The following PRMT8 variants were observed in gnomAD, a reference collection of about 807,000 sequenced individuals.
The protein encoded by PRMT8 is protein arginine methyltransferase 8, also known as protein arginine N-methyltransferase 8.
PRMT8 carries 7 observed loss-of-function variants against 47.1 expected under a neutral mutation model. That is an observed-to-expected ratio of 0.15 (90% CI 0.08 to 0.28). The LOEUF is 0.28. Ranked by LOEUF, PRMT8 falls within the 10% of genes least tolerant of loss-of-function variation. The pLI is 1.00. For synonymous variants in PRMT8, 188 were observed against 186.5 expected (o/e 1.01, Z -0.07); for missense variants, 237 against 505.4 (o/e 0.47, Z 5.09).
At chr12:3,384,486 C>G (rs1026635579) in intron 1 of PRMT8, among the ~76,000 whole-genome samples, 5 of 152,072 alleles carry the variant, frequency 3.3e-5, no homozygotes, top group Admixed American at 2.0e-4. Flanking sequence ...TTTCTCTGAA[C>G]AAGATATCTG....
chr12:3,493,750 G>A lies in PRMT8; in HGVS notation c.75+2050G>A, dbSNP rs1280432685. Among the ~76,000 whole-genome samples the A allele has an allele frequency of 6.6e-6, 1 of 152,222 alleles. No homozygotes were observed. Among genetic ancestry groups the A allele is most frequent in the Non-Finnish European group, 1.5e-5 (1 of 68,038 alleles). ...TGCCAGCTCTGCTGAAGGCATCAAT[G>A]AAAACAGCAGTAGGGGCGGCCGGGC... On this transcript the variant is annotated intron_variant, in intron 1 of 9. Coordinates refer to ENST00000382622, the MANE Select transcript of PRMT8 (RefSeq NM_019854.5). This position sits in a 1 kb window ranked among gnomAD's most constrained non-coding sequence, Gnocchi z 8.2.
intron 7 of PRMT8, among the ~76,000 whole-genome samples, chr12:3,582,587 G>A (rs1052116117): frequency 1.3e-5 from 2 of 152,164 alleles, no homozygotes; most frequent in Non-Finnish European, 2.9e-5. Context: ...AACACAGATT[G>A]CTGTTTTGGT....
chr12:3,567,617 TC>T (rs745466006), intron 4 of PRMT8, among the ~76,000 whole-genome samples: 4 of 152,216 alleles, frequency 2.6e-5, no homozygotes, highest in African/African-American at 4.8e-5. Context: ...AGCCTCGGTT[TC>T]CTTAGTTGTA....
At chr12:3,391,714 G>A (rs1267347238) in intron 1 of PRMT8, among the ~76,000 whole-genome samples, 1 of 152,112 alleles carries the variant, frequency 6.6e-6, no homozygotes, top group African/African-American at 2.4e-5. Flanking sequence ...AGTCTGTGAG[G>A]TTCTCAACAC....
intron 1 of PRMT8, among the ~76,000 whole-genome samples, chr12:3,522,128 GC>G (rs77305119): frequency 0.25 from 38,139 of 151,996 alleles, 5,903 homozygotes; most frequent in South Asian, 0.43. Context: ...GATTAAGACA[GC>G]CCCCACAAAA....
chr12:3,551,076 A>ACCCCCC (rs3837513), intron 3 of PRMT8: 1 of 137,114 alleles, frequency 7.3e-6, no homozygotes, highest in African/African-American at 2.7e-5. Context: ...AGCCCTGGGG[A>ACCCCCC]CCCCCCCCCG....
At position 3,569,607 on chromosome 12, in the gene PRMT8, T is replaced by C. The variant is rs200662903; in HGVS notation, c.712+43T>C. The C allele has an allele frequency of 3.7e-5, 57 of 1,544,998 alleles. 1 individual carries two copies. In the East Asian group the frequency reaches 6.5e-4, roughly 18 times the overall value. ...TCTCCGGTGGACTTCCACTGCACAA[T>C]TGGGGTGGGAGGCACTCCAGTGGGC... On this transcript the variant is annotated intron_variant, in intron 6 of 9. Transcript: ENST00000382622. This position sits in a 1 kb window ranked among gnomAD's most constrained non-coding sequence, Gnocchi z 8.2.
intron 1 of PRMT8, among the ~76,000 whole-genome samples, chr12:3,435,625 C>T (rs531395169): frequency 6.6e-6 from 1 of 151,292 alleles, no homozygotes; most frequent in Non-Finnish European, 1.5e-5. Flanking sequence ...GGGTTCATGC[C>T]ATTCTCCTGC....
intron 1 of PRMT8, among the ~76,000 whole-genome samples, chr12:3,470,264 G>A (rs555423438): frequency 2.0e-5 from 3 of 152,318 alleles, no homozygotes; most frequent in South Asian, 4.1e-4. Flanking sequence ...GTCAGAGGGT[G>A]TCAAGGCCTC....
At chr12:3,469,095 C>T in intron 1 of PRMT8, 1 of 482,924 alleles carries the variant, frequency 2.1e-6, no homozygotes, top group African/African-American at 2.0e-5. Context: ...GAGGCCGCAG[C>T]AGTCAGGGAC....
At chr12:3,393,496 T>C (rs1864216287) in intron 1 of PRMT8, among the ~76,000 whole-genome samples, 1 of 152,112 alleles carries the variant, frequency 6.6e-6, no homozygotes, top group African/African-American at 2.4e-5. Context: ...CTTGTTTTTC[T>C]CAGGTTTGTC....
chr12:3,404,215 C>G (rs988191695), intron 1 of PRMT8, among the ~76,000 whole-genome samples: 2 of 152,018 alleles, frequency 1.3e-5, no homozygotes, highest in South Asian at 4.1e-4. Context: ...AGAAGTTATA[C>G]TTTTACTACA....
At chr12:3,546,118 C>T (rs1219463889) in intron 2 of PRMT8, among the ~76,000 whole-genome samples, 1 of 152,122 alleles carries the variant, frequency 6.6e-6, no homozygotes, top group Non-Finnish European at 1.5e-5. Flanking sequence ...GAAGAAGTCA[C>T]AGAAGGAAAG....
chr12:3,428,188 A>G (rs1864627398), intron 1 of PRMT8, among the ~76,000 whole-genome samples: 1 of 151,512 alleles, frequency 6.6e-6, no homozygotes, highest in Non-Finnish European at 1.5e-5. Flanking sequence ...CTGCTGGGAA[A>G]CCTGCTGGGT....
rs190533993 is a variant in PRMT8 at position 3,499,041 on chromosome 12, T to C, written c.75+7341T>C. Among the ~76,000 whole-genome samples, 160 of 152,322 alleles carry C rather than the reference T, an allele frequency of 1.1e-3. 1 individual carries two copies. The highest frequency in any genetic ancestry group is 3.7e-3 in the African/African-American group (152 of 41,578). ...CTGCCTTCATCTTCACAGGGCATTCTTTCCTGTGTGTGTCTATACGTCTTC... is the reference window on the plus strand; with the variant it reads ...CTGCCTTCATCTTCACAGGGCATTCCTTCCTGTGTGTGTCTATACGTCTTC... On this transcript the variant is annotated intron_variant, in intron 1 of 9. Coordinates refer to ENST00000382622, the MANE Select transcript of PRMT8 (RefSeq NM_019854.5).
intron 1 of PRMT8, among the ~76,000 whole-genome samples, chr12:3,420,228 C>T (rs1490776779): frequency 6.6e-6 from 1 of 152,092 alleles, no homozygotes; most frequent in Admixed American, 6.6e-5. Flanking sequence ...CCAGACAGCT[C>T]ATCCTGATTT....
chr12:3,540,459 A>C, intron 1 of PRMT8, 147 bp from the exon 2 acceptor site: 2 of 621,778 alleles, frequency 3.2e-6, no homozygotes, highest in Non-Finnish European at 5.7e-6. Context: ...TGGGAGCTGG[A>C]AGGGCTCACC....
intron 7 of PRMT8, among the ~76,000 whole-genome samples, chr12:3,582,152 G>A (rs1195079482): frequency 3.3e-5 from 5 of 152,188 alleles, no homozygotes; most frequent in African/African-American, 4.8e-5. Flanking sequence ...CTGTCAGGAT[G>A]CCTCTTGGGC....
At chr12:3,507,821 C>T (rs1051861422) in intron 1 of PRMT8, among the ~76,000 whole-genome samples, 1 of 145,302 alleles carries the variant, frequency 6.9e-6, no homozygotes, top group Non-Finnish European at 1.5e-5. Flanking sequence ...TGCAGTGGTG[C>T]GATCTCGGAT....
Sources: gnomAD v4.1 joint callset for allele counts (sites outside exome capture counted in the v4.1 genomes callset) on GRCh38, gnomAD v4.1.1 for gene constraint, Gnocchi (gnomAD v3.1) non-coding constraint, MANE v1.5 for transcripts, NCBI Gene and HGNC (gene_info 2026-07-23, HGNC 2026-07-21) for gene names.